The following ZNF91 variants were observed in gnomAD, a reference collection of about 807,000 sequenced individuals.
ZNF91 encodes zinc finger protein 91, also known as zinc finger protein 91 (HPF7, HTF10).
In ZNF91, 7 loss-of-function variants were observed where a neutral mutation model predicts 12.6. The ratio of observed to expected loss-of-function variants is 0.55; its 90% CI spans 0.31 to 1.04. The LOEUF (loss-of-function observed/expected upper bound fraction) is 1.04, where lower values mean the gene tolerates loss of function less well. Among genes scored for constraint, ZNF91 ranks in the 50% least tolerant of loss-of-function variants. ZNF91 has a pLI of 0.05. For missense variants in ZNF91, 1,217 were observed against 1,385.4 expected, an observed-to-expected ratio of 0.88 and a Z score of 1.93; for synonymous variants, 453 against 462.6, an observed-to-expected ratio of 0.98 and a Z score of 0.27.
chr19:23,374,241 A>G (rs1969412287), intron 2 of ZNF91, among the ~76,000 whole-genome samples: 1 of 152,132 alleles, frequency 6.6e-6, no homozygotes. Flanking sequence ...GAAATCTGAA[A>G]GCATAAATTT....
At chr19:23,366,255 T>C (rs1428858061) in intron 3 of ZNF91, among the ~76,000 whole-genome samples, 1 of 150,302 alleles carries the variant, frequency 6.7e-6, no homozygotes, top group African/African-American at 2.4e-5. Flanking sequence ...CTGACCCCCA[T>C]ACCTCCCTCC....
In ZNF91 at chr19:23,360,029, G is replaced by C; in HGVS notation, c.2950C>G (p.His984Asp). The C allele has an allele frequency of 6.2e-7, 1 of 1,613,368 alleles. No individual in the cohort carries two copies. The change falls in exon 4 of 4, where the codon CAT (histidine) becomes GAT (aspartate). Residue 984 changes from histidine to aspartate, a missense_variant. His to Asp is a moderately conservative substitution (Grantham distance 81). Transcript: ENST00000300619. ...TTCTCTCCAGTATGAATTATCTTAT[G>C]TTCAGTAAGAGTTGAAGATTTCCTA... ...AFRKSSTLTE[H>D]KIIHTGEKPY...
intron 3 of ZNF91, among the ~76,000 whole-genome samples, chr19:23,372,017 A>G (rs1360329745): frequency 1.3e-5 from 2 of 148,764 alleles, no homozygotes; most frequent in South Asian, 4.3e-4. Context: ...TTTGAGGAAT[A>G]CATTATGTTA....
At chr19:23,332,822 T>C (rs1967948972) in intron 1 of ZNF91, among the ~76,000 whole-genome samples, 1 of 152,120 alleles carries the variant, frequency 6.6e-6, no homozygotes. Flanking sequence ...ACTGACTGAC[T>C]TGGATTTGTG....
At chr19:23,381,976 T>C (rs1969733572) in intron 1 of ZNF91, among the ~76,000 whole-genome samples, 1 of 150,886 alleles carries the variant, frequency 6.6e-6, no homozygotes, top group Non-Finnish European at 1.5e-5. Context: ...GACTAAAAAT[T>C]GTAAGAACAA....
chr19:23,345,735 C>CCGG (rs1375141688), intron 3 of ZNF91, among the ~76,000 whole-genome samples: 2 of 152,068 alleles, frequency 1.3e-5, no homozygotes, highest in Non-Finnish European at 2.9e-5. Flanking sequence ...TTCTCAGTCA[C>CCGG]CATCTTCTCA....
rs1446872981 is a variant in ZNF91 at position 23,360,122 on chromosome 19, G to C, written c.2857C>G (p.Leu953Val). Residue 953 changes from leucine to valine, a missense_variant, in exon 4 of 4, where the codon CTT becomes GTT. Leu to Val is a conservative substitution (Grantham distance 32, BLOSUM62 1). Coordinates refer to ENST00000300619, the MANE Select transcript of ZNF91 (RefSeq NM_003430.4). ...GTATGAATTATCTTATGTGTAGTAA[G>C]GGTTGAGGATTGGCTAAAAGCTTTG... Reference protein sequence around the residue: ...CGKAFSQSSTLTTHKIIHTGE... With the variant: ...CGKAFSQSSTVTTHKIIHTGE... The C allele has an allele frequency of 1.9e-6, 3 of 1,613,552 alleles. No individual in the cohort carries two copies. The East Asian group carries it at 6.7e-5, about 36-fold the overall frequency.
chr19:23,357,123 A>G (rs563629965), downstream of ZNF91, among the ~76,000 whole-genome samples: 3 of 152,290 alleles, frequency 2.0e-5, no homozygotes, highest in African/African-American at 4.8e-5. Flanking sequence ...GCTACTCAGG[A>G]GGCTGAGGCA....
intron 3 of ZNF91, among the ~76,000 whole-genome samples, chr19:23,349,449 CTT>C (rs779597938): frequency 1.3e-5 from 2 of 152,148 alleles, no homozygotes; most frequent in African/African-American, 2.4e-5. Context: ...GATAGCCAAA[CTT>C]TTGTCTTGGG....
intron 1 of ZNF91, 38 bp from the exon 2 acceptor site, chr19:23,374,802 G>A (rs1969443542): frequency 1.3e-6 from 2 of 1,596,870 alleles, no homozygotes; most frequent in South Asian, 2.2e-5. Context: ...TTACAAAGTG[G>A]CTATGGGCAG....
intron 3 of ZNF91, among the ~76,000 whole-genome samples, chr19:23,368,351 C>T (rs932542443): frequency 6.6e-6 from 1 of 150,632 alleles, no homozygotes; most frequent in Middle Eastern, 3.4e-3. Context: ...CCTGTCTCTA[C>T]TAAAAATACA....
At position 23,340,564 on chromosome 19, in the gene ZNF91, T is replaced by G. The variant is rs1968100575; in HGVS notation, c.254-1510A>C. On this transcript the variant is annotated intron_variant, in intron 3 of 3. Coordinates refer to the ZNF91 transcript ENST00000599743. ...AAAAAATGTCTTGACAAAGAAAAGC[T>G]CAGGACTAAATGCACAGCAAAATTC... 2.0e-5 allele frequency among the ~76,000 whole-genome samples: 3 copies of G among 151,796 alleles called. No homozygotes were observed. In the South Asian group the frequency reaches 6.2e-4, roughly 32 times the overall value.
chr19:23,327,651 T>C (rs1319447592), intron 1 of ZNF91: 1 of 152,208 alleles, frequency 6.6e-6, no homozygotes, highest in African/African-American at 2.4e-5. Flanking sequence ...CTTAGTTTCA[T>C]TTCTGAGGAG....
Position 23,361,275 on chromosome 19 carries a change from A to C in ZNF91, c.1704T>G (p.His568Gln), listed in dbSNP as rs1568384862. 1 of 1,613,376 alleles carries C rather than the reference A, an allele frequency of 6.2e-7. No individual in the cohort carries two copies. ...FSTLTTHKII[H>Q]AGKKLYKCEE... is the part of the protein sequence containing the mutation. ...CACATTTGTAGAGTTTCTTTCCAGC[A>C]TGAATTATTTTATGTGTAGTAAGGG... Residue 568 changes from histidine (H) to glutamine (Q), a missense_variant, in exon 4 of 4, where the codon CAT (histidine) becomes CAG (glutamine). Around this residue, in one of 2 missense-constraint regions of ZNF91, gnomAD observed 726 missense variants for 895.5 expected, o/e 0.81. Coordinates refer to ENST00000300619, the MANE Select transcript of ZNF91 (RefSeq NM_003430.4).
At position 23,361,197 on chromosome 19, in the gene ZNF91, T is replaced by C. The variant is rs374679832; in HGVS notation, c.1782A>G (p.Ile594Met). The C allele has an allele frequency of 2.2e-5, 36 of 1,613,060 alleles. No individual in the cohort carries two copies. The highest frequency in any genetic ancestry group is 2.8e-5 in the Non-Finnish European group (33 of 1,179,690). ...NHSSSLSTHK[I>M]IHTGEKSYKC... ...TGTAAGACTTCTCTCCAGTATGAAT[T>C]ATCTTATGTGTAGAAAGACTTGAGG... Residue 594 changes from isoleucine to methionine, a missense_variant, in exon 4 of 4, where the codon ATA (isoleucine) becomes ATG (methionine). Coordinates refer to ENST00000300619, the MANE Select transcript of ZNF91 (RefSeq NM_003430.4).
chr19:23,324,366 CT>C (rs1252492688), intron 1 of ZNF91: 1 of 151,892 alleles, frequency 6.6e-6, no homozygotes, highest in African/African-American at 2.4e-5. Flanking sequence ...TCCTCCACTC[CT>C]ACTCCTTCTC....
At chr19:23,322,945 CCTT>C (rs1440412145) in intron 1 of ZNF91, among the ~76,000 whole-genome samples, 131 of 119,646 alleles carry the variant, frequency 1.1e-3, no homozygotes, top group East Asian at 2.1e-3. Context: ...ATCTTTCTTC[CCTT>C]CCTCCTCCTC....
At chr19:23,371,358 GA>G (rs1017394205) in intron 3 of ZNF91, among the ~76,000 whole-genome samples, 3 of 147,814 alleles carry the variant, frequency 2.0e-5, no homozygotes, top group Admixed American at 6.7e-5. Context: ...AAACAAAAAA[GA>G]AAAAAAAATG....
chr19:23,357,449 A>T (rs1358414172), downstream of ZNF91, among the ~76,000 whole-genome samples: 1 of 152,210 alleles, frequency 6.6e-6, no homozygotes, highest in Non-Finnish European at 1.5e-5. Context: ...TTTGTTTTGT[A>T]GTAAATTAGA....
Sources: allele counts gnomAD v4.1 joint callset (sites outside exome capture counted in the v4.1 genomes callset), GRCh38; gene constraint gnomAD v4.1.1; regional missense constraint gnomAD v4.1.1; transcripts MANE v1.5; gene names NCBI Gene and HGNC (gene_info 2026-07-23, HGNC 2026-07-21).